Variants in ELP3 observed in about 807,000 individuals in gnomAD.
ELP3 encodes elongator acetyltransferase complex subunit 3.
Under a neutral mutation model 74.9 loss-of-function variants are expected in ELP3, and 56 were observed. That is an observed-to-expected ratio of 0.75 (90% CI 0.60 to 0.93). The LOEUF is 0.93. Among genes scored for constraint, ELP3 ranks in the 40% least tolerant of loss-of-function variants. ELP3 has a pLI of 0.00. For missense variants in ELP3, 573 were observed against 686.5 expected (o/e 0.83, Z 1.85); for synonymous variants, 222 against 239.8 (o/e 0.93, Z 0.68).
chr8:28,106,883 T>G, intron 4 of ELP3, 100 bp downstream of exon 4: 1 of 826,398 alleles, frequency 1.2e-6, no homozygotes. Flanking sequence ...GTTTAAAACT[T>G]CAGCTTAATA....
At chr8:28,102,149 A>G (rs1811514773) in intron 3 of ELP3, among the ~76,000 whole-genome samples, 1 of 152,162 alleles carries the variant, frequency 6.6e-6, no homozygotes, top group Non-Finnish European at 1.5e-5. Context: ...TGATGATTTT[A>G]GTATTGATGT....
intron 10 of ELP3, among the ~76,000 whole-genome samples, chr8:28,144,072 A>G (rs757913278): frequency 7.2e-5 from 11 of 152,122 alleles, no homozygotes; most frequent in Non-Finnish European, 1.6e-4. Context: ...TTCTTCTTAC[A>G]TCAGTTGTAT....
chr8:28,104,734 C>T (rs1194483885), intron 3 of ELP3, among the ~76,000 whole-genome samples: 1 of 152,188 alleles, frequency 6.6e-6, no homozygotes, highest in Admixed American at 6.5e-5. Context: ...TCCAGTGGTG[C>T]GCAGGTTTGG....
chr8:28,094,601 C>G (rs1811179227), intron 1 of ELP3, among the ~76,000 whole-genome samples: 3 of 151,562 alleles, frequency 2.0e-5, no homozygotes, highest in African/African-American at 7.3e-5. Flanking sequence ...TGCCTGTAAT[C>G]TAATCCCAGC....
upstream of ELP3, chr8:28,090,482 G>GGTGGGTGT (rs1554492432): frequency 6.3e-6 from 1 of 158,728 alleles, no homozygotes; most frequent in Admixed American, 6.8e-5. Flanking sequence ...CTGATGGGTG[G>GGTGGGTGT]GTGTGTGTGT....
At chr8:28,112,685 ATACT>A (rs1393778710) in intron 6 of ELP3, 1 of 171,472 alleles carries the variant, frequency 5.8e-6, no homozygotes, top group Non-Finnish European at 1.2e-5. Flanking sequence ...TGATCAATAA[ATACT>A]TACTGTTTTG....
chr8:28,113,083 C>G lies in ELP3; in HGVS notation c.527C>G (p.Ala176Gly). The G allele has an allele frequency of 6.2e-7, 1 of 1,613,520 alleles. No homozygotes were observed. The highest frequency in any genetic ancestry group is 8.5e-7 in the Non-Finnish European group (1 of 1,179,658). ...ATTGTGATGGGTGGAACGTTTATGG[C>G]CCTTCCAGAAGAATACAGAGATTAT... is the stretch of plus-strand genomic sequence containing the variant. ...EFIVMGGTFM[A>G]LPEEYRDYFI... Residue 176 changes from alanine to glycine, a missense_variant, in exon 7 of 15, where the codon GCC becomes GGC. Coordinates refer to ENST00000256398, the MANE Select transcript of ELP3 (RefSeq NM_018091.6).
At chr8:28,182,827 C>T (rs536139989) in intron 14 of ELP3, among the ~76,000 whole-genome samples, 23 of 152,280 alleles carry the variant, frequency 1.5e-4, no homozygotes, top group Middle Eastern at 3.4e-3. Context: ...GGAATCAAAG[C>T]AGAGGATTTC....
At chr8:28,109,887 C>G (rs1811844926) in intron 5 of ELP3, among the ~76,000 whole-genome samples, 1 of 152,180 alleles carries the variant, frequency 6.6e-6, no homozygotes, top group African/African-American at 2.4e-5. Flanking sequence ...GGTAGCATAT[C>G]AGAGTCCTCT....
chr8:28,162,766 A>G (rs1310376890), intron 14 of ELP3, among the ~76,000 whole-genome samples: 2 of 152,222 alleles, frequency 1.3e-5, no homozygotes. Flanking sequence ...AAAGTCATGA[A>G]AAAATAAGAC....
Position 28,160,410 on chromosome 8 carries a change from G to C in ELP3, c.1439G>C (p.Ser480Thr). 1.2e-6 allele frequency: 2 copies of C among 1,614,160 alleles called. No individual in the cohort carries two copies. Among genetic ancestry groups the C allele is most frequent in the Non-Finnish European group, 1.7e-6 (2 of 1,180,008 alleles). Residue 480 changes from serine to threonine, a missense_variant, in exon 13 of 15, where the codon AGT becomes ACT. Transcript: ENST00000256398. ...GTACGAGAGCTGCATGTGTATGGGAGTGTGGTCCCTGTGAGCAGCCGGGAT... is the reference window on the plus strand; with the variant it reads ...GTACGAGAGCTGCATGTGTATGGGACTGTGGTCCCTGTGAGCAGCCGGGAT... ...SIVRELHVYG[S>T]VVPVSSRDPT...
At chr8:28,126,041 G>C (rs1226380533) in intron 7 of ELP3, among the ~76,000 whole-genome samples, 1 of 151,940 alleles carries the variant, frequency 6.6e-6, no homozygotes, top group African/African-American at 2.4e-5. Context: ...AGAATTTTTA[G>C]TGTTGAAGCC....
At chr8:28,148,869 C>T (rs958851082) in intron 10 of ELP3, among the ~76,000 whole-genome samples, 1 of 152,092 alleles carries the variant, frequency 6.6e-6, no homozygotes. Flanking sequence ...CTGAATGTTC[C>T]TCACCCACAA....
At chr8:28,113,844 C>T (rs998993301) in intron 7 of ELP3, 1 of 152,110 alleles carries the variant, frequency 6.6e-6, no homozygotes, top group Non-Finnish European at 1.5e-5. Context: ...TCTCAGAGGT[C>T]CCACCTGTTA....
At chr8:28,182,330 C>T (rs1221440101) in intron 14 of ELP3, among the ~76,000 whole-genome samples, 1 of 152,126 alleles carries the variant, frequency 6.6e-6, no homozygotes, top group East Asian at 1.9e-4. Flanking sequence ...GAGGCTGAGG[C>T]ACATGGATTG....
intron 3 of ELP3, among the ~76,000 whole-genome samples, chr8:28,104,564 A>G (rs1437575504): frequency 6.6e-6 from 1 of 151,650 alleles, no homozygotes; most frequent in South Asian, 2.1e-4. Flanking sequence ...TCTTTTTTGG[A>G]CTCCGTTATC....
chr8:28,110,663 C>A, intron 6 of ELP3: 1 of 408,338 alleles, frequency 2.4e-6, no homozygotes, highest in Non-Finnish European at 4.3e-6. Context: ...GTTTTATATT[C>A]TCTAAGTTTT....
At chr8:28,139,996 G>A (rs986209395) in intron 10 of ELP3, among the ~76,000 whole-genome samples, 3 of 152,138 alleles carry the variant, frequency 2.0e-5, no homozygotes, top group African/African-American at 7.2e-5. Context: ...GATGTGCATA[G>A]GTTATATGCA....
chr8:28,161,236 A>G (rs1814073402), intron 13 of ELP3, among the ~76,000 whole-genome samples: 1 of 152,218 alleles, frequency 6.6e-6, no homozygotes. Context: ...ATACGAGCCA[A>G]AATTGATTAT....
Sources: gnomAD v4.1 joint callset for allele counts (sites outside exome capture counted in the v4.1 genomes callset) on GRCh38, gnomAD v4.1.1 for gene constraint, MANE v1.5 for transcripts, NCBI Gene and HGNC (gene_info 2026-07-23, HGNC 2026-07-21) for gene names.